The following ZNF618 variants were observed in gnomAD, a reference collection of about 807,000 sequenced individuals.
ZNF618 encodes neural precursor cell expressed, developmentally down-regulated 10.
In ZNF618, 34 loss-of-function variants were observed where a neutral mutation model predicts 103.0. The observed-to-expected ratio is 0.33, with a 90% CI of 0.25 to 0.44. The LOEUF (loss-of-function observed/expected upper bound fraction) is 0.44, where lower values mean the gene tolerates loss of function less well. ZNF618 is among the 20% of genes least tolerant of loss of function. ZNF618 has a pLI of 1.00. For synonymous variants in ZNF618, 551 were observed against 542.2 expected (o/e 1.02, Z -0.23); for missense variants, 1,059 against 1,295.4 (o/e 0.82, Z 2.80).
intron 2 of ZNF618, among the ~76,000 whole-genome samples, chr9:113,979,495 C>T (rs1232339256): frequency 6.6e-6 from 1 of 152,174 alleles, no homozygotes; most frequent in Non-Finnish European, 1.5e-5. Flanking sequence ...GTGAAACATC[C>T]CTAACCTATG....
intron 10 of ZNF618, among the ~76,000 whole-genome samples, chr9:114,022,949 C>T (rs1405121329): frequency 1.3e-5 from 2 of 152,074 alleles, no homozygotes; most frequent in Non-Finnish European, 2.9e-5. Flanking sequence ...TACTGTAAGC[C>T]ATGACAGCTT....
At chr9:113,967,260 C>T in intron 1 of ZNF618, among the ~76,000 whole-genome samples, 1 of 152,192 alleles carries the variant, frequency 6.6e-6, no homozygotes, top group Non-Finnish European at 1.5e-5. Context: ...CAAATTCAGC[C>T]TGTTTGCTTT....
chr9:114,001,172 C>G (rs1205269554), intron 4 of ZNF618, among the ~76,000 whole-genome samples: 1 of 152,284 alleles, frequency 6.6e-6, no homozygotes, highest in South Asian at 2.1e-4. Context: ...GGCCTTTGCT[C>G]TGACCTCTAC....
chr9:114,015,993 G>A, intron 9 of ZNF618: 2 of 899,576 alleles, frequency 2.2e-6, no homozygotes, highest in East Asian at 2.6e-5. Context: ...GTGGGGACCA[G>A]GGCACCCTCC....
At chr9:113,915,671 A>G (rs1056514441) in intron 1 of ZNF618, among the ~76,000 whole-genome samples, 4 of 152,082 alleles carry the variant, frequency 2.6e-5, no homozygotes, top group African/African-American at 4.8e-5. Context: ...AGCAGGGAGT[A>G]TTTGGGGAGT....
At chr9:113,984,059 G>A (rs1481160768) in intron 2 of ZNF618, among the ~76,000 whole-genome samples, 1 of 152,172 alleles carries the variant, frequency 6.6e-6, no homozygotes, top group Non-Finnish European at 1.5e-5. Flanking sequence ...ACTCCCGAGG[G>A]CCCCACCTAC....
At position 114,049,005 on chromosome 9, in the gene ZNF618, C is replaced by T. The variant is rs1845901868; in HGVS notation, c.1703C>T (p.Ala568Val). 1 of 1,613,342 alleles carries T rather than the reference C, an allele frequency of 6.2e-7. No homozygotes were observed. Among genetic ancestry groups the T allele is most frequent in the Non-Finnish European group, 8.5e-7 (1 of 1,179,460 alleles). The change falls in exon 15 of 15, where the codon GCC becomes GTC. Residue 568 changes from alanine (A) to valine (V), a missense_variant. Around this residue, in one of 6 missense-constraint regions of ZNF618, gnomAD observed 272 missense variants for 380.1 expected, o/e 0.72. Coordinates refer to ENST00000374126, the MANE Select transcript of ZNF618 (RefSeq NM_001318042.2). ...CCTGACTCCTGCTACATCCTCACAGCCTACCAGGCCGAGGGCAACCACATC... is the reference window on the plus strand; with the variant it reads ...CCTGACTCCTGCTACATCCTCACAGTCTACCAGGCCGAGGGCAACCACATC... ...VGPDSCYILT[A>V]YQAEGNHIKS...
At chr9:113,974,152 T>C (rs1006893565) in intron 2 of ZNF618, among the ~76,000 whole-genome samples, 1 of 152,212 alleles carries the variant, frequency 6.6e-6, no homozygotes, top group African/African-American at 2.4e-5. Flanking sequence ...TGTTAGATAG[T>C]AACAAGTGTT....
chr9:113,992,291 G>T (rs1395782392), intron 3 of ZNF618, among the ~76,000 whole-genome samples: 1 of 152,150 alleles, frequency 6.6e-6, no homozygotes, highest in African/African-American at 2.4e-5. Flanking sequence ...GGCAGACAAG[G>T]CCTGAGGAAA....
At chr9:113,953,052 T>C (rs1835920173) in intron 1 of ZNF618, among the ~76,000 whole-genome samples, 1 of 152,234 alleles carries the variant, frequency 6.6e-6, no homozygotes, top group African/African-American at 2.4e-5. Flanking sequence ...TGCAACTACA[T>C]GCAATATAAA....
intron 2 of ZNF618, among the ~76,000 whole-genome samples, chr9:113,977,961 C>T (rs1347472844): frequency 2.0e-5 from 3 of 152,052 alleles, no homozygotes; most frequent in South Asian, 2.1e-4. Context: ...TGACTGACAC[C>T]GTACAATGAG....
intron 14 of ZNF618, 132 bp downstream of exon 14, chr9:114,048,126 T>C: frequency 6.1e-6 from 5 of 816,040 alleles, no homozygotes; most frequent in Non-Finnish European, 9.7e-6. Context: ...CAAAGCACTT[T>C]TACACCTAAG....
chr9:114,000,775 A>G (rs1218437241), intron 4 of ZNF618, among the ~76,000 whole-genome samples: 1 of 152,134 alleles, frequency 6.6e-6, no homozygotes, highest in Non-Finnish European at 1.5e-5. Flanking sequence ...AACACTCTTC[A>G]TGCAAACTCA....
chr9:113,994,618 G>T (rs559352404), intron 3 of ZNF618, among the ~76,000 whole-genome samples: 60 of 152,292 alleles, frequency 3.9e-4, no homozygotes, highest in African/African-American at 1.3e-3. Flanking sequence ...ATAAAAGTCT[G>T]CCCCTCTTTC....
intron 1 of ZNF618, among the ~76,000 whole-genome samples, chr9:113,885,272 T>C (rs1168338319): frequency 2.6e-5 from 4 of 152,240 alleles, no homozygotes; most frequent in Non-Finnish European, 4.4e-5. Flanking sequence ...CTTTAGTCCT[T>C]CCGTATCTTA....
At chr9:114,033,010 C>T (rs1020126795) in intron 12 of ZNF618, among the ~76,000 whole-genome samples, 4 of 152,200 alleles carry the variant, frequency 2.6e-5, no homozygotes, top group African/African-American at 9.6e-5. Context: ...GCGGCATCAA[C>T]TCAGCTGACC....
chr9:113,988,977 A>G (rs931327943), intron 3 of ZNF618, among the ~76,000 whole-genome samples: 1 of 152,198 alleles, frequency 6.6e-6, no homozygotes, highest in African/African-American at 2.4e-5. Context: ...TGCTCAGAGC[A>G]GTACCCCATC....
At chr9:113,926,247 T>C (rs1221282361) in intron 1 of ZNF618, among the ~76,000 whole-genome samples, 1 of 151,904 alleles carries the variant, frequency 6.6e-6, no homozygotes, top group African/African-American at 2.4e-5. Context: ...CTTATCCTTA[T>C]TCTTCTTATA....
rs1037277149 is a variant in ZNF618, at chr9:113,962,121, C to T, written c.34-6996C>T. On this transcript the variant is annotated intron_variant, in intron 1 of 14. Coordinates refer to ENST00000374126, the MANE Select transcript of ZNF618 (RefSeq NM_001318042.2). ...GCAGGGTTACTGGGAGGATCTCATT[C>T]GGCGTAACTTATCTGTAAAGTACTG... Among the ~76,000 whole-genome samples, 5 of 152,140 alleles carry T rather than the reference C, an allele frequency of 3.3e-5. No individual in the cohort carries two copies. In the East Asian group the frequency reaches 5.8e-4, roughly 18 times the overall value.
Sources: gnomAD v4.1 joint callset for allele counts (sites outside exome capture counted in the v4.1 genomes callset) on GRCh38, gnomAD v4.1.1 for gene constraint, gnomAD v4.1.1 regional missense constraint, MANE v1.5 for transcripts, NCBI Gene and HGNC (gene_info 2026-07-23, HGNC 2026-07-21) for gene names.